The following SV2B variants were observed in gnomAD, a reference collection of about 807,000 sequenced individuals.
The protein encoded by SV2B is solute carrier family 22 member B2.
A neutral mutation model predicts 73.9 loss-of-function variants in SV2B; 41 were observed. The ratio of observed to expected loss-of-function variants is 0.56; its 90% CI spans 0.43 to 0.72. SV2B has a LOEUF of 0.72. Ranked by LOEUF, SV2B falls within the 30% of genes least tolerant of loss-of-function variation. The pLI, the probability that SV2B is intolerant of heterozygous loss-of-function variation, is 0.00. For synonymous variants in SV2B, 314 were observed against 314.2 expected (o/e 1.00, Z 0.01); for missense variants, 764 against 857.8 (o/e 0.89, Z 1.37).
rs2041870788 is a variant in SV2B at position 91,105,963 on chromosome 15, C to T, written c.-392+5600C>T. On this transcript the variant is annotated intron_variant, in intron 1 of 12. Coordinates refer to ENST00000394232, the MANE Select transcript of SV2B (RefSeq NM_001323032.3). This position sits in a 1 kb window ranked among gnomAD's most constrained non-coding sequence, Gnocchi z 5.5. ...ACTCGGGAGTCTGAGGTGGGAGGATCACCTGAGCCTGGGGAGGTCGAGGCT... is the reference window on the plus strand; with the variant it reads ...ACTCGGGAGTCTGAGGTGGGAGGATTACCTGAGCCTGGGGAGGTCGAGGCT... 2.6e-5 allele frequency among the ~76,000 whole-genome samples: 4 copies of T among 152,100 alleles called. No individual in the cohort carries two copies. The highest frequency in any genetic ancestry group is 2.4e-5 in the African/African-American group (1 of 41,396).
chr15:91,257,259 C>T (rs967349536), intron 4 of SV2B, among the ~76,000 whole-genome samples: 1 of 152,128 alleles, frequency 6.6e-6, no homozygotes, highest in East Asian at 1.9e-4. Flanking sequence ...TTGCTAGGAG[C>T]GTTCACACAT....
At chr15:91,150,105 G>A (rs1214854177) in intron 1 of SV2B, among the ~76,000 whole-genome samples, 1 of 152,152 alleles carries the variant, frequency 6.6e-6, no homozygotes, top group Non-Finnish European at 1.5e-5. Context: ...CCAGGTTCAA[G>A]TGATTCTCCT....
intron 9 of SV2B, among the ~76,000 whole-genome samples, chr15:91,273,400 C>G (rs1454319932): frequency 6.6e-6 from 1 of 152,212 alleles, no homozygotes; most frequent in Non-Finnish European, 1.5e-5. Flanking sequence ...TAACATTTCT[C>G]AGCCAAGTTC....
chr15:91,174,085 G>A (rs1385572364), intron 1 of SV2B, among the ~76,000 whole-genome samples: 1 of 152,210 alleles, frequency 6.6e-6, no homozygotes, highest in African/African-American at 2.4e-5. Context: ...CCACTTGTCT[G>A]AAAAGTCTAA....
intron 1 of SV2B, among the ~76,000 whole-genome samples, chr15:91,144,371 A>T (rs749504416): frequency 7.2e-5 from 11 of 152,218 alleles, no homozygotes; most frequent in Admixed American, 2.0e-4. Flanking sequence ...CTTGGGTAAC[A>T]TGCTGCCCAA....
chr15:91,257,992 T>G (rs2047759527), intron 4 of SV2B, among the ~76,000 whole-genome samples: 2 of 152,212 alleles, frequency 1.3e-5, no homozygotes, highest in South Asian at 4.1e-4. Flanking sequence ...GGGCCTGGAC[T>G]TCTAGCTTGT....
chr15:91,209,986 G>A (rs1308877941), intron 1 of SV2B, among the ~76,000 whole-genome samples: 1 of 152,012 alleles, frequency 6.6e-6, no homozygotes, highest in Non-Finnish European at 1.5e-5. Context: ...AGCTGAATTG[G>A]GGAAGAGAAT....
intron 11 of SV2B, among the ~76,000 whole-genome samples, chr15:91,286,999 G>A (rs1187799813): frequency 1.3e-5 from 2 of 152,204 alleles, no homozygotes; most frequent in African/African-American, 4.8e-5. Flanking sequence ...TGTAAGCCAA[G>A]CCCCATGGCT....
At position 91,294,270 on chromosome 15, in the gene SV2B, A is replaced by G. The variant is rs1391583029; in HGVS notation, c.*1718A>G. ...GGACATCTTTCTGTAATTTTCCTCA[A>G]TTAACGGGTTGGTAGGGGTAAATCT... On this transcript the variant is annotated 3_prime_UTR_variant, in exon 13 of 13. Coordinates refer to ENST00000394232, the MANE Select transcript of SV2B (RefSeq NM_001323032.3). The surrounding 1 kb of genome is among the most constrained non-coding windows in gnomAD (Gnocchi z 4.1). 1 of 152,202 alleles carries G rather than the reference A, an allele frequency of 6.6e-6. No individual in the cohort carries two copies. The highest frequency in any genetic ancestry group is 2.4e-5 in the African/African-American group (1 of 41,444). 9.4% of individuals were successfully genotyped at this position (152,202 alleles called of 1,614,324 possible).
intron 1 of SV2B, among the ~76,000 whole-genome samples, chr15:91,210,493 C>T (rs146802362): frequency 6.6e-6 from 1 of 152,214 alleles, no homozygotes; most frequent in Non-Finnish European, 1.5e-5. Flanking sequence ...AGAGCAGAGG[C>T]AAATTGAGAC....
chr15:91,261,716 C>T lies in SV2B; in HGVS notation c.1008+1307C>T, dbSNP rs1033421847. Among the ~76,000 whole-genome samples, 2 of 152,214 alleles carry T rather than the reference C, an allele frequency of 1.3e-5. No individual in the cohort carries two copies. Among genetic ancestry groups the T allele is most frequent in the Admixed American group, 6.5e-5 (1 of 15,286 alleles). On this transcript the variant is annotated intron_variant, in intron 6 of 12. Coordinates refer to ENST00000394232, the MANE Select transcript of SV2B (RefSeq NM_001323032.3). This position sits in a 1 kb window ranked among gnomAD's most constrained non-coding sequence, Gnocchi z 4.7. ...GCAATAGAGGACCCATTTCTTTACA[C>T]CCTTACCATCAGTGGCTATTAGTCT...
chr15:91,182,804 A>G (rs1403340100), intron 1 of SV2B, among the ~76,000 whole-genome samples: 1 of 152,236 alleles, frequency 6.6e-6, no homozygotes, highest in Non-Finnish European at 1.5e-5. Flanking sequence ...ATAGGAAAGA[A>G]GTTCATAATT....
chr15:91,269,144 T>C (rs531217238), intron 9 of SV2B, among the ~76,000 whole-genome samples: 1 of 151,998 alleles, frequency 6.6e-6, no homozygotes, highest in Non-Finnish European at 1.5e-5. Flanking sequence ...AGAAAAGTCC[T>C]GTTCACAGCT....
At chr15:91,165,093 T>G (rs1252309294) in intron 1 of SV2B, among the ~76,000 whole-genome samples, 1 of 152,104 alleles carries the variant, frequency 6.6e-6, no homozygotes, top group African/African-American at 2.4e-5. Flanking sequence ...TCCCAACACT[T>G]TGGGAGAGAG....
At chr15:91,163,183 T>G (rs533410764) in intron 1 of SV2B, among the ~76,000 whole-genome samples, 165 of 152,242 alleles carry the variant, frequency 1.1e-3, no homozygotes, top group African/African-American at 3.9e-3. Context: ...TTTTGGGTTG[T>G]TTCCAAGTCT....
intron 9 of SV2B, among the ~76,000 whole-genome samples, chr15:91,276,064 G>GT (rs35560168): frequency 0.12 from 16,335 of 139,876 alleles, 961 homozygotes; most frequent in African/African-American, 0.14. Flanking sequence ...TGGGTGGACA[G>GT]TTTTTTTTTT....
rs1442621894 is a variant in SV2B at position 91,302,525 on chromosome 15, C to A, written c.*9973C>A. The stretch of plus-strand genomic sequence containing the variant: ...ATTTGCCAAATAGAAATCTTGGAGG[C>A]CAGGTGCAGTGGTTCACACCTGTAA... On this transcript the variant is annotated 3_prime_UTR_variant, in exon 13 of 13. Coordinates refer to ENST00000394232, the MANE Select transcript of SV2B (RefSeq NM_001323032.3). Among the ~76,000 whole-genome samples, 1 of 152,122 alleles carries A rather than the reference C, an allele frequency of 6.6e-6. No individual in the cohort carries two copies. Among genetic ancestry groups the A allele is most frequent in the East Asian group, 1.9e-4 (1 of 5,202 alleles).
At position 91,281,919 on chromosome 15, in the gene SV2B, C is replaced by T. The variant is rs1239554654; in HGVS notation, c.1507+58C>T. 2.0e-6 allele frequency: 3 copies of T among 1,528,154 alleles called. No individual in the cohort carries two copies. The highest frequency in any genetic ancestry group is 4.6e-5 in the East Asian group (2 of 43,384). The allele number at this position is 1,528,154 out of a possible 1,614,324, so 94.7% of individuals were successfully genotyped here. A position where few individuals can be genotyped will look rare whatever the true frequency, so the allele number is the denominator to read the frequency against. On this transcript the variant is annotated intron_variant, in intron 10 of 12. Transcript: ENST00000394232. The surrounding 1 kb of genome is among the most constrained non-coding windows in gnomAD (Gnocchi z 4.7). Reference sequence around the variant, plus strand: ...GTAACAGGAGACAACTTGTGTTGTCCAAGAATCAAAATGGTCAGGCATAAA... The same window carrying T: ...GTAACAGGAGACAACTTGTGTTGTCTAAGAATCAAAATGGTCAGGCATAAA...
At position 91,262,913 on chromosome 15, in the gene SV2B, C is replaced by A. The variant is rs1342805994; in HGVS notation, c.1008+2504C>A. On this transcript the variant is annotated intron_variant, in intron 6 of 12. Transcript: ENST00000394232. ...AGTCCTGCCACCCTGCCCCTGCTGC[C>A]TCGTTCCATGGCCAGAGGAAGTCTA... Among the ~76,000 whole-genome samples the A allele has an allele frequency of 2.6e-5, 4 of 152,338 alleles. No individual in the cohort carries two copies. In the East Asian group the frequency reaches 7.7e-4, roughly 29 times the overall value.
Sources: gnomAD v4.1 joint callset for allele counts (sites outside exome capture counted in the v4.1 genomes callset) on GRCh38, gnomAD v4.1.1 for gene constraint, Gnocchi (gnomAD v3.1) non-coding constraint, MANE v1.5 for transcripts, NCBI Gene and HGNC (gene_info 2026-07-23, HGNC 2026-07-21) for gene names.